IGSF10: variants seen among roughly 807,000 people sequenced by gnomAD.
IGSF10 encodes immunoglobulin superfamily member 10.
IGSF10 carries 126 observed loss-of-function variants against 128.2 expected under a neutral mutation model. The ratio of observed to expected loss-of-function variants is 0.98; its 90% CI spans 0.85 to 1.14. The LOEUF (loss-of-function observed/expected upper bound fraction) is 1.14. IGSF10 is among the 50% of genes most tolerant of loss of function. The pLI, the probability that IGSF10 is intolerant of heterozygous loss-of-function variation, is 0.00. For missense variants in IGSF10, 3,295 were observed against 3,149.8 expected (o/e 1.05, Z -1.10); for synonymous variants, 1,185 against 1,146.2 (o/e 1.03, Z -0.68).
Position 151,448,409 on chromosome 3 carries a change from C to T in IGSF10, c.1572G>A (p.Glu524=). ...TTTTGTCTATTAGGATCCGTCCATC[C>T]TCACTGACATAAGGGGCTCTCACTT... is the stretch of plus-strand genomic sequence containing the variant. ...GSKVRAPYVS[E]DGRILIDKSG... The change falls in exon 6 of 8, where the codon GAG becomes GAA. Residue 524 remains glutamate, a synonymous_variant. Transcript: ENST00000282466. The T allele has an allele frequency of 1.2e-6, 2 of 1,614,230 alleles. No individual in the cohort carries two copies. Among genetic ancestry groups the T allele is most frequent in the Non-Finnish European group, 1.7e-6 (2 of 1,180,032 alleles).
intron 3 of IGSF10, 26 bp downstream of exon 3, chr3:151,458,476 GATCCCTCTTTGAGA>G (rs1235956322): frequency 4.8e-6 from 7 of 1,470,860 alleles, no homozygotes; most frequent in Non-Finnish European, 6.5e-6. Flanking sequence ...TGCTGCGACT[GATCCCTCTTTGAGA>G]AGAGGAAACA....
chr3:151,507,825 A>G, the IGSF10 span, among the ~76,000 whole-genome samples: 1 of 152,206 alleles, frequency 6.6e-6, no homozygotes, highest in Admixed American at 6.5e-5. Context: ...CATATTAAAT[A>G]TTAATTATTA....
At chr3:151,580,735 T>C in the IGSF10 span, among the ~76,000 whole-genome samples, 1 of 152,240 alleles carries the variant, frequency 6.6e-6, no homozygotes, top group African/African-American at 2.4e-5. Context: ...GGAATTCTAC[T>C]GTGGTTCAGT....
chr3:151,451,791 A>T (rs1242896926), intron 5 of IGSF10, among the ~76,000 whole-genome samples: 1 of 152,250 alleles, frequency 6.6e-6, no homozygotes, highest in Non-Finnish European at 1.5e-5. Context: ...GCATAAAAAC[A>T]GGTTGTCAAG....
the IGSF10 span, among the ~76,000 whole-genome samples, chr3:151,571,163 G>A: frequency 7.5e-4 from 114 of 152,238 alleles, no homozygotes; most frequent in African/African-American, 2.7e-3. Flanking sequence ...GTCAGGTAGC[G>A]TGATGCCTCC....
chr3:151,513,151 GAC>G, the IGSF10 span, among the ~76,000 whole-genome samples: 1 of 152,016 alleles, frequency 6.6e-6, no homozygotes, highest in South Asian at 2.1e-4. Context: ...GCCTGGCAGA[GAC>G]ACAACAAAAA....
the IGSF10 span, among the ~76,000 whole-genome samples, chr3:151,551,944 A>G: frequency 6.6e-6 from 1 of 152,154 alleles, no homozygotes; most frequent in South Asian, 2.1e-4. Flanking sequence ...ATTGTAATCA[A>G]ATCCAATGCT....
chr3:151,458,483 CT>C (rs774310679), intron 3 of IGSF10, 32 bp downstream of exon 3: 71 of 1,549,194 alleles, frequency 4.6e-5, no homozygotes, highest in Non-Finnish European at 6.1e-5. Context: ...ACTGATCCCT[CT>C]TTGAGAAGAG....
the IGSF10 span, among the ~76,000 whole-genome samples, chr3:151,479,272 G>A: frequency 1.3e-5 from 2 of 152,014 alleles, no homozygotes; most frequent in Admixed American, 6.6e-5. Flanking sequence ...GTCTTAATGA[G>A]AAAAATGGTT....
In IGSF10 at chr3:151,438,558, CAG is replaced by C. The variant is rs1176057739; in HGVS notation, c.6001_6002del (p.Leu2001ValfsTer24). On this transcript the variant is annotated frameshift_variant, in exon 8 of 8. Coordinates refer to ENST00000282466, the MANE Select transcript of IGSF10 (RefSeq NM_178822.5). LOFTEE classifies it low-confidence loss of function (END_TRUNC). Reference protein sequence around the residue: ...SWIHVYPNGSLFIGSVTEKDS... With the variant: ...SWIHVYPNGSXFIGSVTEKDS... ...CTTTTTCTGTTACTGATCCAATAAA[CAG>C]GGATCCATTAGGGTAGACGTGGATC... 1.9e-6 allele frequency: 3 copies of C among 1,613,722 alleles called. No individual in the cohort carries two copies. Among genetic ancestry groups the C allele is most frequent in the East Asian group, 4.5e-5 (2 of 44,868 alleles).
Position 151,453,388 on chromosome 3 carries a change from C to A in IGSF10, c.711G>T (p.Lys237Asn). ...AAAAATAAACAATATAGATACCTGG[C>A]TTCTCCTGTATCCAGTCAGACAACC... is the stretch of plus-strand genomic sequence containing the variant. ...LKWLSDWIQE[K>N]PDVIKCKKDR... The change falls in exon 5 of 8, where the codon AAG becomes AAT. Residue 237 changes from lysine (K) to asparagine (N), a missense_variant. Physicochemically the swap from Lys to Asn is moderately conservative, Grantham distance 94. Transcript: ENST00000282466. The A allele has an allele frequency of 6.3e-7, 1 of 1,582,328 alleles. No homozygotes were observed. Among genetic ancestry groups the A allele is most frequent in the Non-Finnish European group, 8.5e-7 (1 of 1,169,964 alleles).
chr3:151,530,660 A>C, the IGSF10 span, among the ~76,000 whole-genome samples: 2 of 152,160 alleles, frequency 1.3e-5, no homozygotes, highest in African/African-American at 4.8e-5. Context: ...AGACAAGCAA[A>C]TGCTGAGAGA....
chr3:151,540,073 A>C, the IGSF10 span, among the ~76,000 whole-genome samples: 1 of 152,298 alleles, frequency 6.6e-6, no homozygotes, highest in Admixed American at 6.5e-5. Context: ...ATCGATGAAC[A>C]AATCAGAAGC....
the IGSF10 span, among the ~76,000 whole-genome samples, chr3:151,517,791 C>T: frequency 6.6e-6 from 1 of 151,914 alleles, no homozygotes; most frequent in African/African-American, 2.4e-5. Flanking sequence ...CTAAATGTAA[C>T]ATAATCAAAC....
chr3:151,583,812 A>G, the IGSF10 span, among the ~76,000 whole-genome samples: 1 of 152,162 alleles, frequency 6.6e-6, no homozygotes, highest in African/African-American at 2.4e-5. Flanking sequence ...CCTTTATTTC[A>G]CTATAATCAA....
intron 2 of IGSF10, among the ~76,000 whole-genome samples, chr3:151,459,543 C>A: frequency 6.6e-6 from 1 of 152,200 alleles, no homozygotes; most frequent in East Asian, 1.9e-4. Context: ...CCTGTGCAGG[C>A]ATGATGCTGT....
chr3:151,595,233 C>A, the IGSF10 span, among the ~76,000 whole-genome samples: 1 of 151,930 alleles, frequency 6.6e-6, no homozygotes, highest in African/African-American at 2.4e-5. Context: ...AGAAATAGAA[C>A]TACCGAATGA....
At chr3:151,484,002 G>A in the IGSF10 span, among the ~76,000 whole-genome samples, 1 of 152,200 alleles carries the variant, frequency 6.6e-6, no homozygotes, top group Non-Finnish European at 1.5e-5. Flanking sequence ...CAAGTGGTCT[G>A]GCTCAGCGGG....
chr3:151,617,416 G>T, the IGSF10 span, among the ~76,000 whole-genome samples: 1 of 149,000 alleles, frequency 6.7e-6, no homozygotes, highest in African/African-American at 2.5e-5. Context: ...TTGTTGGGGG[G>T]ATGGCTATTT....
Sources: gnomAD v4.1 joint callset for allele counts (sites outside exome capture counted in the v4.1 genomes callset) on GRCh38, gnomAD v4.1.1 for gene constraint, MANE v1.5 for transcripts, NCBI Gene and HGNC (gene_info 2026-07-23, HGNC 2026-07-21) for gene names.